Variants in SF3A3 observed in about 807,000 individuals in gnomAD.
SF3A3 encodes SAP 61.
Under a neutral mutation model 85.8 loss-of-function variants are expected in SF3A3, and 9 were observed. The ratio of observed to expected loss-of-function variants is 0.10; its 90% CI spans 0.06 to 0.18. The LOEUF is 0.18. Among genes scored for constraint, SF3A3 ranks in the 10% least tolerant of loss-of-function variants. SF3A3 has a pLI of 1.00. For missense variants in SF3A3, 306 were observed against 593.3 expected, an observed-to-expected ratio of 0.52 and a Z score of 5.03; for synonymous variants, 195 against 204.4, an observed-to-expected ratio of 0.95 and a Z score of 0.39.
At chr1:37,982,873 T>C (rs369683718) in intron 6 of SF3A3, among the ~76,000 whole-genome samples, 19 of 152,076 alleles carry the variant, frequency 1.2e-4, no homozygotes, top group South Asian at 8.3e-4. Flanking sequence ...GGCAGGAGGA[T>C]TGATTGAGTC....
intron 16 of SF3A3, 87 bp from the exon 17 acceptor site, chr1:37,958,350 C>A: frequency 1.1e-6 from 1 of 914,084 alleles, no homozygotes; most frequent in Non-Finnish European, 1.8e-6. Flanking sequence ...CTCATCCTGG[C>A]CTGATTCCAT....
At chr1:37,977,834 G>A (rs945669528) in intron 11 of SF3A3, among the ~76,000 whole-genome samples, 1 of 150,976 alleles carries the variant, frequency 6.6e-6, no homozygotes, top group Non-Finnish European at 1.5e-5. Flanking sequence ...GGAAGACTCC[G>A]TCTCAAAAAC....
chr1:37,974,836 C>T (rs553987707), intron 12 of SF3A3, among the ~76,000 whole-genome samples: 1 of 152,354 alleles, frequency 6.6e-6, no homozygotes, highest in South Asian at 2.1e-4. Context: ...TCCACACACA[C>T]TGCATTTCTC....
At chr1:37,964,572 C>G (rs1646285799) in intron 15 of SF3A3, among the ~76,000 whole-genome samples, 1 of 152,136 alleles carries the variant, frequency 6.6e-6, no homozygotes, top group South Asian at 2.1e-4. Context: ...CACGCCACTG[C>G]ACTCCAGCCT....
intron 12 of SF3A3, 120 bp downstream of exon 12, chr1:37,976,764 C>T (rs1646382223): frequency 1.4e-6 from 1 of 709,108 alleles, no homozygotes; most frequent in South Asian, 1.6e-5. Context: ...TTGTGCCATA[C>T]TAGTTTATCA....
intron 4 of SF3A3, 28 bp downstream of exon 4, chr1:37,987,545 T>C (rs1351908840): frequency 2.0e-6 from 3 of 1,486,112 alleles, no homozygotes; most frequent in East Asian, 4.5e-5. Context: ...AGGATAGGTC[T>C]GGAGAAAATA....
chr1:37,979,578 A>C (rs375962907), intron 8 of SF3A3, 45 bp from the exon 9 acceptor site: 21 of 1,503,656 alleles, frequency 1.4e-5, no homozygotes, highest in Middle Eastern at 1.8e-4. Flanking sequence ...GGTTTAGGCC[A>C]GGTGTGGTGG....
At chr1:37,986,442 T>C (rs927027846) in intron 4 of SF3A3, among the ~76,000 whole-genome samples, 2 of 152,120 alleles carry the variant, frequency 1.3e-5, no homozygotes, top group African/African-American at 2.4e-5. Flanking sequence ...CAACACCACC[T>C]GGAGTGGTCA....
At chr1:37,961,780 A>AAAAAAAAG (rs1553164720) in intron 15 of SF3A3, among the ~76,000 whole-genome samples, 16 of 141,844 alleles carry the variant, frequency 1.1e-4, no homozygotes, top group African/African-American at 4.0e-4. Context: ...AAAAAAAAAA[A>AAAAAAAAG]AAAGAAAGAA....
At position 37,984,216 on chromosome 1, in the gene SF3A3, C is replaced by T. The variant is rs767082075; in HGVS notation, c.421G>A (p.Asp141Asn). Residue 141 changes from aspartate (D) to asparagine (N), a missense_variant, in exon 6 of 17, where the codon GAT (aspartate) becomes AAT (asparagine). Transcript: ENST00000373019. ...TACTTGAGGTAACAGTCATGGAGAT[C>T]GAGATAACGACCATATCCCTCTTCA... The part of the protein sequence containing the change: ...TDEEGYGRYL[D>N]LHDCYLKYIN... 6.2e-7 allele frequency: 1 copy of T among 1,609,748 alleles called. No individual in the cohort carries two copies. Among genetic ancestry groups the T allele is most frequent in the Admixed American group, 1.7e-5 (1 of 59,834 alleles).
intron 6 of SF3A3, 78 bp from the exon 7 acceptor site, chr1:37,981,889 G>C: frequency 1.2e-6 from 1 of 850,446 alleles, no homozygotes; most frequent in Non-Finnish European, 1.9e-6. Flanking sequence ...TCTCCAATAA[G>C]TGAGATCAAA....
At chr1:37,964,581 C>T (rs892686676) in intron 15 of SF3A3, among the ~76,000 whole-genome samples, 1 of 151,948 alleles carries the variant, frequency 6.6e-6, no homozygotes, top group African/African-American at 2.4e-5. Context: ...GCACTCCAGC[C>T]TGGTTGACAG....
intron 12 of SF3A3, 60 bp from the exon 13 acceptor site, chr1:37,969,795 T>A: frequency 6.4e-7 from 1 of 1,557,994 alleles, no homozygotes; most frequent in Non-Finnish European, 8.7e-7. Flanking sequence ...GAAGGGAAAT[T>A]TCCTGTTTTC....
intron 12 of SF3A3, 140 bp downstream of exon 12, chr1:37,976,744 G>T: frequency 1.5e-6 from 1 of 650,262 alleles, no homozygotes; most frequent in Non-Finnish European, 2.8e-6. Flanking sequence ...CTTGTACCCT[G>T]ACCTCTATTT....
At chr1:37,983,259 A>T (rs1254554389) in intron 6 of SF3A3, among the ~76,000 whole-genome samples, 15 of 2,990 alleles carry the variant, frequency 5.0e-3, no homozygotes, top group Non-Finnish European at 8.1e-3. Context: ...ATTTATTTAA[A>T]AAAAAAAAAA....
chr1:37,969,308 A>G, intron 14 of SF3A3, 46 bp downstream of exon 14: 1 of 1,401,552 alleles, frequency 7.1e-7, no homozygotes, highest in Non-Finnish European at 1.0e-6. Context: ...TAAAAGTCTC[A>G]TGTTTTTACT....
rs1278267790 is a variant in SF3A3, at chr1:37,985,715, A to C, written c.304-936T>G. 3.9e-5 allele frequency among the ~76,000 whole-genome samples: 6 copies of C among 152,190 alleles called. No homozygotes were observed. The East Asian group carries it at 1.2e-3, about 29-fold the overall frequency. ...ATGGCTGGAATAAGGTTAACACATC[A>C]GAATGGTATTCATTTATTCTCCCTT... On this transcript the variant is annotated intron_variant, in intron 4 of 16. Coordinates refer to ENST00000373019, the MANE Select transcript of SF3A3 (RefSeq NM_006802.4).
intron 12 of SF3A3, 24 bp from the exon 13 acceptor site, chr1:37,969,759 A>T: frequency 6.2e-7 from 1 of 1,608,168 alleles, no homozygotes; most frequent in Non-Finnish European, 8.5e-7. Flanking sequence ...ATAAATGAAA[A>T]GTCAGAAAAA....
In SF3A3 at chr1:37,976,877, C is replaced by G. The variant is rs771511437; in HGVS notation, c.1005+7G>C. 5 of 1,560,400 alleles carry G rather than the reference C, an allele frequency of 3.2e-6. No homozygotes were observed. The African/African-American group carries it at 4.1e-5, about 13-fold the overall frequency. ...CCATTTTCCACTTTCAGCAGTCAGT[C>G]ACTTACCCCGAGAATCTCTACATAT... is the stretch of plus-strand genomic sequence containing the variant. On this transcript the variant is annotated splice_region_variant and intron_variant, in intron 12 of 16. Transcript: ENST00000373019.
Sources: gnomAD v4.1 joint callset for allele counts (sites outside exome capture counted in the v4.1 genomes callset) on GRCh38, gnomAD v4.1.1 for gene constraint, MANE v1.5 for transcripts, NCBI Gene and HGNC (gene_info 2026-07-23, HGNC 2026-07-21) for gene names.